The following CEP57L1 variants were observed in gnomAD, a reference collection of about 807,000 sequenced individuals.
CEP57L1 encodes centrosomal protein CEP57L1.
In CEP57L1, 37 loss-of-function variants were observed where a neutral mutation model predicts 61.0. The ratio of observed to expected loss-of-function variants is 0.61; its 90% CI spans 0.47 to 0.80. The LOEUF is 0.80. CEP57L1 is among the 30% of genes least tolerant of loss of function. The pLI, the probability that CEP57L1 is intolerant of heterozygous loss-of-function variation, is 0.00. For missense variants in CEP57L1, 422 were observed against 524.7 expected (o/e 0.80, Z 1.91); for synonymous variants, 137 against 162.3 (o/e 0.84, Z 1.19).
intron 4 of CEP57L1, among the ~76,000 whole-genome samples, chr6:109,151,224 A>C (rs1018749033): frequency 1.3e-5 from 2 of 152,212 alleles, no homozygotes; most frequent in Non-Finnish European, 2.9e-5. Context: ...AATACATAAC[A>C]GATTTTTAAG....
chr6:109,134,908 T>C (rs1774658665), intron 1 of CEP57L1, among the ~76,000 whole-genome samples: 1 of 152,060 alleles, frequency 6.6e-6, no homozygotes, highest in Non-Finnish European at 1.5e-5. Context: ...TTAACGGAAT[T>C]AAAGAGGATA....
intron 1 of CEP57L1, among the ~76,000 whole-genome samples, chr6:109,099,946 C>T (rs1782178317): frequency 6.6e-6 from 1 of 152,238 alleles, no homozygotes; most frequent in Admixed American, 6.5e-5. Context: ...CTGTCTTTAA[C>T]TCCTCTTCTT....
At position 109,165,449 on chromosome 6, in the gene CEP57L1, A is replaced by G. The variant is rs534880098; in HGVS notation, c.*2479A>G. Among the ~76,000 whole-genome samples the G allele has an allele frequency of 9.2e-5, 14 of 151,840 alleles. No homozygotes were observed. The highest frequency in any genetic ancestry group is 2.1e-4 in the Non-Finnish European group (14 of 67,958). On this transcript the variant is annotated 3_prime_UTR_variant, in exon 11 of 11. Coordinates refer to ENST00000517392, the MANE Select transcript of CEP57L1 (RefSeq NM_001271852.3). ...AAAAAAATGTAGAACACATGTTTGC[A>G]TGGGTTGAAGCCTAAAAGCAAACAC...
chr6:109,155,651 A>G (rs1773143812), intron 6 of CEP57L1, 140 bp from the exon 7 acceptor site: 1 of 599,312 alleles, frequency 1.7e-6, no homozygotes, highest in South Asian at 2.1e-5. Flanking sequence ...CTTCACATGT[A>G]CAAAAACGGT....
chr6:109,172,921 A>G lies in CEP57L1; in HGVS notation c.*9951A>G, dbSNP rs1415185626. On this transcript the variant is annotated 3_prime_UTR_variant, in exon 11 of 11. Transcript: ENST00000517392. ...TTTATGTGTAAGATACTGCCCACAT[A>G]CTATACTGAAGTCAGGAACCAAGAA... Among the ~76,000 whole-genome samples the G allele has an allele frequency of 6.6e-6, 1 of 152,218 alleles. No individual in the cohort carries two copies.
rs1056838504 is a variant in CEP57L1, at chr6:109,171,268, C to T, written c.*8298C>T. ...TTTTTTTTTTTTTGAGACGGAGTTT[C>T]GCTCTTGTTGCCCAAGCTGGAGTGC... On this transcript the variant is annotated 3_prime_UTR_variant, in exon 11 of 11. Coordinates refer to ENST00000517392, the MANE Select transcript of CEP57L1 (RefSeq NM_001271852.3). Among the ~76,000 whole-genome samples, 1 of 144,412 alleles carries T rather than the reference C, an allele frequency of 6.9e-6. No homozygotes were observed. The highest frequency in any genetic ancestry group is 2.0e-4 in the East Asian group (1 of 5,058). The allele number at this position is 144,412 out of a possible 152,430, so 94.7% of individuals were successfully genotyped here. A position where few individuals can be genotyped will look rare whatever the true frequency, so the allele number is the denominator to read the frequency against.
chr6:109,131,144 A>G (rs969234215), intron 1 of CEP57L1, among the ~76,000 whole-genome samples: 10 of 152,220 alleles, frequency 6.6e-5, no homozygotes, highest in Non-Finnish European at 1.0e-4. Flanking sequence ...TATTAAATGT[A>G]AGATTTGCTG....
chr6:109,121,450 G>A (rs1250845088), intron 1 of CEP57L1, among the ~76,000 whole-genome samples: 2 of 151,964 alleles, frequency 1.3e-5, no homozygotes, highest in African/African-American at 2.4e-5. Flanking sequence ...TTTCACTGTG[G>A]CATTGTTAAG....
At chr6:109,109,698 C>A (rs1025028234) in intron 1 of CEP57L1, among the ~76,000 whole-genome samples, 2 of 152,194 alleles carry the variant, frequency 1.3e-5, no homozygotes, top group Non-Finnish European at 2.9e-5. Context: ...TAGCACCAAA[C>A]CCCGTGACAG....
Position 109,153,969 on chromosome 6 carries a change from A to T in CEP57L1, c.579+20A>T. 4 of 1,229,246 alleles carry T rather than the reference A, an allele frequency of 3.3e-6. No individual in the cohort carries two copies. The highest frequency in any genetic ancestry group is 4.8e-6 in the Non-Finnish European group (4 of 840,064). The allele number at this position is 1,229,246 out of a possible 1,614,324, so 76.1% of individuals were successfully genotyped here. ...GCTGAGGTAAGCTTTCTTTGAAGTG[A>T]TGACAACAGGAATGAATCTTTAGTG... On this transcript the variant is annotated intron_variant, in intron 5 of 10. Transcript: ENST00000517392.
rs1298260523 is a variant in CEP57L1, at chr6:109,174,099, C to CAAA, written c.*11142_*11144dup. Among the ~76,000 whole-genome samples the CAAA allele has an allele frequency of 1.2e-5, 1 of 81,902 alleles. No individual in the cohort carries two copies. 53.7% of individuals were successfully genotyped at this position (81,902 alleles called of 152,430 possible). ...TGAGCCATAGAGTGAGTCTTGGTCT[C>CAAA]AAAAAAAAAAAAAAACCTTGTGTTG... is the stretch of plus-strand genomic sequence containing the variant. On this transcript the variant is annotated 3_prime_UTR_variant, in exon 11 of 11. Coordinates refer to ENST00000517392, the MANE Select transcript of CEP57L1 (RefSeq NM_001271852.3).
chr6:109,143,423 G>A (rs551787038), intron 1 of CEP57L1, among the ~76,000 whole-genome samples: 27 of 152,148 alleles, frequency 1.8e-4, no homozygotes, highest in African/African-American at 5.1e-4. Context: ...GATTATAAAG[G>A]TTAAGCTGAG....
At chr6:109,120,560 G>A (rs1583449610) in intron 1 of CEP57L1, among the ~76,000 whole-genome samples, 1 of 152,136 alleles carries the variant, frequency 6.6e-6, no homozygotes, top group Non-Finnish European at 1.5e-5. Context: ...GTGACTTTCT[G>A]TGCTGTTTAA....
At chr6:109,135,571 A>G (rs150979821) in intron 1 of CEP57L1, among the ~76,000 whole-genome samples, 17,897 of 152,198 alleles carry the variant, frequency 0.12, 1,163 homozygotes, top group Middle Eastern at 0.21. Flanking sequence ...AATGGGATCT[A>G]ATTAAACTAA....
chr6:109,117,049 G>A (rs2114672013), intron 1 of CEP57L1, among the ~76,000 whole-genome samples: 1 of 152,150 alleles, frequency 6.6e-6, no homozygotes, highest in African/African-American at 2.4e-5. Flanking sequence ...AATAATCTGA[G>A]ATTGATAAAA....
Position 109,161,387 on chromosome 6 carries a change from C to T in CEP57L1, c.1161+671C>T, listed in dbSNP as rs538272386. Among the ~76,000 whole-genome samples the T allele has an allele frequency of 3.3e-5, 5 of 152,224 alleles. No homozygotes were observed. In the South Asian group the frequency reaches 1.0e-3, roughly 32 times the overall value. On this transcript the variant is annotated intron_variant, in intron 10 of 10. Coordinates refer to ENST00000517392, the MANE Select transcript of CEP57L1 (RefSeq NM_001271852.3). ...TTGCAGCACTATTACACTGCTGGAG[C>T]AGAAAGCAGAGGGAGCCTTTCCCAG...
intron 1 of CEP57L1, among the ~76,000 whole-genome samples, chr6:109,104,629 C>A (rs149429004): frequency 1.3e-5 from 2 of 152,078 alleles, no homozygotes; most frequent in Non-Finnish European, 2.9e-5. Flanking sequence ...TTGCCCAGAC[C>A]AGAGTGCAGT....
chr6:109,099,534 A>G (rs1367066856), intron 1 of CEP57L1, among the ~76,000 whole-genome samples: 3 of 148,878 alleles, frequency 2.0e-5, no homozygotes, highest in Non-Finnish European at 4.4e-5. Flanking sequence ...ACTTTTATTT[A>G]TTTATTTATT....
chr6:109,162,805 T>A lies in CEP57L1; in HGVS notation c.1218T>A (p.Ile406=), dbSNP rs1343874286. 6.2e-7 allele frequency: 1 copy of A among 1,613,342 alleles called. No homozygotes were observed. The highest frequency in any genetic ancestry group is 8.5e-7 in the Non-Finnish European group (1 of 1,179,596). The change falls in exon 11 of 11, where the codon ATT becomes ATA. Residue 406 remains isoleucine, a synonymous_variant. Transcript: ENST00000517392. ...QNSKMSEASG[I]QQEDSYPKGS... ...CAAAGATGAGTGAAGCTTCAGGTAT[T>A]CAGCAAGAAGACAGCTACCCTAAAG...
Sources: gnomAD v4.1 joint callset for allele counts (sites outside exome capture counted in the v4.1 genomes callset) on GRCh38, gnomAD v4.1.1 for gene constraint, MANE v1.5 for transcripts, NCBI Gene and HGNC (gene_info 2026-07-23, HGNC 2026-07-21) for gene names.